The following ZFP64 variants were observed in gnomAD, a reference collection of about 807,000 sequenced individuals.
ZFP64 encodes zinc finger protein 64.
A neutral mutation model predicts 51.6 loss-of-function variants in ZFP64; 14 were observed. The observed-to-expected ratio is 0.27, with a 90% CI of 0.18 to 0.42. The LOEUF (loss-of-function observed/expected upper bound fraction) is 0.42. Among genes scored for constraint, ZFP64 ranks in the 10% least tolerant of loss-of-function variants. The pLI, the probability that ZFP64 is intolerant of heterozygous loss-of-function variation, is 1.00. For missense variants in ZFP64, 754 were observed against 906.8 expected, an observed-to-expected ratio of 0.83 and a Z score of 2.16; for synonymous variants, 375 against 361.4, an observed-to-expected ratio of 1.04 and a Z score of -0.43.
downstream of ZFP64, among the ~76,000 whole-genome samples, chr20:52,148,994 A>G (rs542986127): frequency 6.6e-6 from 1 of 152,314 alleles, no homozygotes; most frequent in Non-Finnish European, 1.5e-5. Context: ...ACTTCCCAAC[A>G]ACCAAAAGGA....
At chr20:52,130,193 T>C (rs996630497) in intron 5 of ZFP64, among the ~76,000 whole-genome samples, 3 of 151,676 alleles carry the variant, frequency 2.0e-5, no homozygotes, top group Non-Finnish European at 2.9e-5. Context: ...AGACACTGTA[T>C]ATGGTGCCTA....
chr20:52,140,139 C>T (rs568414449), intron 5 of ZFP64, among the ~76,000 whole-genome samples: 85 of 152,192 alleles, frequency 5.6e-4, no homozygotes, highest in Non-Finnish European at 2.4e-4. Context: ...ACAGAACAGC[C>T]GTTCCCCATC....
intron 5 of ZFP64, chr20:52,105,060 C>A (rs1384894606): frequency 1.1e-5 from 15 of 1,393,486 alleles, no homozygotes; most frequent in South Asian, 9.6e-5. Flanking sequence ...GGTCCTCGTA[C>A]CCGCGCGGGT....
chr20:52,175,335 C>T (rs1441747301), intron 2 of ZFP64, among the ~76,000 whole-genome samples: 1 of 152,066 alleles, frequency 6.6e-6, no homozygotes, highest in Non-Finnish European at 1.5e-5. Flanking sequence ...GTTGGCCAGC[C>T]TGGTCTTGAA....
intron 5 of ZFP64, among the ~76,000 whole-genome samples, chr20:52,143,740 G>A (rs370807118): frequency 7.1e-6 from 1 of 141,244 alleles, no homozygotes. Context: ...GTAGAGACAG[G>A]GTCTCCCCTA....
chr20:52,084,399 C>T (rs1768967329), exon 9 of ZFP64: 4 of 681,984 alleles, frequency 5.9e-6, no homozygotes, highest in Non-Finnish European at 2.4e-6. Flanking sequence ...TTGCTTTCGT[C>T]ACTGTCGCCC....
chr20:52,174,385 C>T (rs1212331860), intron 2 of ZFP64, among the ~76,000 whole-genome samples: 1 of 148,714 alleles, frequency 6.7e-6, no homozygotes, highest in East Asian at 2.0e-4. Context: ...ACTCGGGAGG[C>T]TGAGGCAGAA....
chr20:52,144,591 A>AAAAAG (rs1642646262), intron 5 of ZFP64, among the ~76,000 whole-genome samples: 1 of 147,916 alleles, frequency 6.8e-6, no homozygotes, highest in African/African-American at 2.5e-5. Flanking sequence ...AAAAAAAAAA[A>AAAAAG]AAAAAAAAAA....
chr20:52,125,332 G>T (rs182173606), intron 5 of ZFP64, among the ~76,000 whole-genome samples: 19 of 152,292 alleles, frequency 1.2e-4, no homozygotes, highest in Middle Eastern at 6.8e-3. Context: ...GCCAGGCTCA[G>T]GTGATGGGCA....
chr20:52,098,487 C>A, exon 6 of ZFP64: 1 of 1,614,126 alleles, frequency 6.2e-7, no homozygotes. Flanking sequence ...CCATTTGTTC[C>A]CTTGCCTCTG....
chr20:52,135,036 G>A lies in ZFP64; in HGVS notation c.763+25087C>T, dbSNP rs558069889. ...CGCCACTGCACCTGGCTACTTTTTT[G>A]TGTGTTTGCTAGAGACAGGGTTTCA... On this transcript the variant is annotated intron_variant, in intron 5 of 8. Coordinates refer to the ZFP64 transcript ENST00000361387. Among the ~76,000 whole-genome samples the A allele has an allele frequency of 6.6e-5, 10 of 152,006 alleles. No individual in the cohort carries two copies. The South Asian group carries it at 2.1e-3, about 32-fold the overall frequency.
Position 52,152,157 on chromosome 20 carries a change from T to C in ZFP64, c.2035A>G (p.Ile679Val). ...TGTTTTTTTAAGCACTAATCTGGAA[T>C]GGAGTCGGCGGGACAGAGCAAAGCT... Reference protein sequence around the residue: ...HPALLCPADSIPD With the variant: ...HPALLCPADSVPD Residue 679 changes from isoleucine (I) to valine (V), a missense_variant, in exon 6 of 6, where the codon ATT becomes GTT. Coordinates refer to ENST00000216923, the MANE Select transcript of ZFP64 (RefSeq NM_018197.3). 1 of 1,612,562 alleles carries C rather than the reference T, an allele frequency of 6.2e-7. No individual in the cohort carries two copies. The highest frequency in any genetic ancestry group is 8.5e-7 in the Non-Finnish European group (1 of 1,178,752).
chr20:52,180,917 GTTTATTTT>G (rs960687891), intron 2 of ZFP64, among the ~76,000 whole-genome samples: 3 of 152,014 alleles, frequency 2.0e-5, no homozygotes, highest in Non-Finnish European at 4.4e-5. Context: ...CCTGTCCCCT[GTTTATTTT>G]TTTATTTTTA....
intron 4 of ZFP64, among the ~76,000 whole-genome samples, chr20:52,163,649 T>A (rs1982008478): frequency 6.6e-6 from 1 of 152,204 alleles, no homozygotes; most frequent in African/African-American, 2.4e-5. Flanking sequence ...AACTGTTGGT[T>A]ACTCATCTTC....
intron 3 of ZFP64, chr20:52,165,195 C>T (rs1167631573): frequency 4.4e-6 from 2 of 457,106 alleles, no homozygotes; most frequent in Non-Finnish European, 8.8e-6. Flanking sequence ...CGGTGGGACA[C>T]TTGATGACGA....
rs532732164 is a variant in ZFP64, at chr20:52,182,357, C to T, written c.286+4475G>A. On this transcript the variant is annotated intron_variant, in intron 2 of 5. Transcript: ENST00000216923. The stretch of plus-strand genomic sequence containing the variant: ...GCATTCAGGACAGTCAACAAAACTC[C>T]GGCATGGCAAGATCCAATGGTCGCA... Among the ~76,000 whole-genome samples the T allele has an allele frequency of 1.6e-4, 25 of 152,274 alleles. 1 individual carries two copies. The South Asian group carries it at 2.9e-3, about 18-fold the overall frequency.
chr20:52,128,673 C>T (rs888422542), intron 5 of ZFP64, among the ~76,000 whole-genome samples: 1 of 152,140 alleles, frequency 6.6e-6, no homozygotes, highest in Non-Finnish European at 1.5e-5. Flanking sequence ...CTGCACTCCA[C>T]CACTGGAGGG....
chr20:52,100,473 T>G (rs968840845), intron 5 of ZFP64, among the ~76,000 whole-genome samples: 13 of 152,138 alleles, frequency 8.5e-5, no homozygotes, highest in Non-Finnish European at 1.8e-4. Flanking sequence ...CTTGAACTCC[T>G]GACCTCAAGT....
Position 52,152,752 on chromosome 20 carries a change from G to C in ZFP64, c.1440C>G (p.Leu480=), listed in dbSNP as rs1359915459. ...CTTGGCTGGGCTGGAGGGGCACCTG[G>C]AGGTGTCCCACAGTGAGGGGCGTGG... ...QPATPLTVGH[L]QVPLQPSQVP... The change falls in exon 6 of 6, where the codon CTC becomes CTG. Residue 480 remains leucine, a synonymous_variant. Transcript: ENST00000216923. 6.3e-7 allele frequency: 1 copy of C among 1,591,582 alleles called. No individual in the cohort carries two copies. Among genetic ancestry groups the C allele is most frequent in the Non-Finnish European group, 8.6e-7 (1 of 1,166,588 alleles).
Sources: allele counts gnomAD v4.1 joint callset (sites outside exome capture counted in the v4.1 genomes callset), GRCh38; gene constraint gnomAD v4.1.1; transcripts MANE v1.5; gene names NCBI Gene and HGNC (gene_info 2026-07-23, HGNC 2026-07-21).